The following PTPN9 variants were observed in gnomAD, a reference collection of about 807,000 sequenced individuals.
PTPN9 encodes tyrosine-protein phosphatase non-receptor type 9.
A neutral mutation model predicts 69.8 loss-of-function variants in PTPN9; 26 were observed. That is an observed-to-expected ratio of 0.37 (90% CI 0.27 to 0.52). The LOEUF (loss-of-function observed/expected upper bound fraction) is 0.52. Ranked by LOEUF, PTPN9 falls within the 20% of genes least tolerant of loss-of-function variation. PTPN9 has a pLI of 0.91. For missense variants in PTPN9, 549 were observed against 740.3 expected, an observed-to-expected ratio of 0.74 and a Z score of 3.00; for synonymous variants, 274 against 272.5, an observed-to-expected ratio of 1.01 and a Z score of -0.05.
chr15:75,524,133 A>AC lies in PTPN9; in HGVS notation c.297+75_297+76insG, dbSNP rs202224015. 4.7e-3 allele frequency: 3,392 copies of AC among 722,898 alleles called. 91 individuals carry two copies. In the African/African-American group the frequency reaches 0.056, roughly 12 times the overall value. 44.8% of individuals were successfully genotyped at this position (722,898 alleles called of 1,614,324 possible). ...TAATAAAATTAAAAAAAAAAAAAAAAAAACAAAGTCCAAACAGGACACCAG... is the reference window on the plus strand; with the variant it reads ...TAATAAAATTAAAAAAAAAAAAAAAACAAACAAAGTCCAAACAGGACACCAG... On this transcript the variant is annotated intron_variant, in intron 3 of 12. Transcript: ENST00000618819.
At chr15:75,501,176 C>A (rs1239429947) in intron 7 of PTPN9, among the ~76,000 whole-genome samples, 1 of 152,038 alleles carries the variant, frequency 6.6e-6, no homozygotes, top group Non-Finnish European at 1.5e-5. Flanking sequence ...AGACTCTATC[C>A]CTGCATCTTA....
intron 7 of PTPN9, among the ~76,000 whole-genome samples, chr15:75,495,567 A>G (rs767287297): frequency 6.6e-5 from 10 of 152,040 alleles, no homozygotes; most frequent in Non-Finnish European, 1.3e-4. Context: ...AACAAAAAAC[A>G]TTAGCTGGGC....
At chr15:75,525,791 T>C (rs569564991) in intron 2 of PTPN9, among the ~76,000 whole-genome samples, 76 of 151,360 alleles carry the variant, frequency 5.0e-4, no homozygotes, top group African/African-American at 1.8e-3. Context: ...TGGTGGTGCA[T>C]GCCTGTGGTC....
intron 1 of PTPN9, among the ~76,000 whole-genome samples, chr15:75,540,118 T>G (rs2075001951): frequency 6.6e-6 from 1 of 152,210 alleles, no homozygotes; most frequent in Non-Finnish European, 1.5e-5. Context: ...TTCTCTGCCT[T>G]TTTGAAGGAA....
At chr15:75,512,776 C>G in intron 5 of PTPN9, 1 of 267,316 alleles carries the variant, frequency 3.7e-6, no homozygotes. Flanking sequence ...ACGCTATTCT[C>G]TCATTTCCCC....
At chr15:75,511,494 C>T (rs1410737172) in intron 5 of PTPN9, among the ~76,000 whole-genome samples, 1 of 152,200 alleles carries the variant, frequency 6.6e-6, no homozygotes, top group Non-Finnish European at 1.5e-5. Context: ...AATCTGCCTG[C>T]CTTGGCCTCC....
intron 9 of PTPN9, 47 bp downstream of exon 9, chr15:75,479,801 A>G (rs1567467659): frequency 4.8e-6 from 7 of 1,472,710 alleles, no homozygotes; most frequent in African/African-American, 1.4e-5. Context: ...ACAAGGAATC[A>G]TAAGTAGATG....
At chr15:75,504,355 G>A (rs2074800744) in intron 7 of PTPN9, among the ~76,000 whole-genome samples, 1 of 121,778 alleles carries the variant, frequency 8.2e-6, no homozygotes, top group South Asian at 2.7e-4. Context: ...CCTCTGCCGG[G>A]CCAGCCACCC....
chr15:75,480,703 C>T (rs2074626194), intron 8 of PTPN9: 3 of 1,315,240 alleles, frequency 2.3e-6, no homozygotes, highest in Non-Finnish European at 2.9e-6. Context: ...GCCACCGCCG[C>T]CCCACAGCCG....
chr15:75,504,575 T>G (rs1410343302), intron 7 of PTPN9, among the ~76,000 whole-genome samples: 34 of 96,160 alleles, frequency 3.5e-4, no homozygotes, highest in East Asian at 7.3e-4. Flanking sequence ...GCCTCTGCCC[T>G]GCCGCCCCTA....
At chr15:75,549,729 C>A (rs1595967791) in intron 1 of PTPN9, among the ~76,000 whole-genome samples, 1 of 152,018 alleles carries the variant, frequency 6.6e-6, no homozygotes, top group Non-Finnish European at 1.5e-5. Context: ...ACTGTCTAGA[C>A]CTTGGAAGGC....
At chr15:75,556,177 C>T (rs1406565566) in intron 1 of PTPN9, among the ~76,000 whole-genome samples, 1 of 151,440 alleles carries the variant, frequency 6.6e-6, no homozygotes, top group Non-Finnish European at 1.5e-5. Flanking sequence ...CAATTCTCTG[C>T]CTCAGCCTCC....
chr15:75,521,577 G>A (rs964570681), intron 4 of PTPN9, among the ~76,000 whole-genome samples: 4 of 152,090 alleles, frequency 2.6e-5, no homozygotes, highest in Non-Finnish European at 5.9e-5. Flanking sequence ...CAGATGCAAT[G>A]GCTTATGCTT....
At chr15:75,549,386 A>C (rs2075047230) in intron 1 of PTPN9, among the ~76,000 whole-genome samples, 1 of 151,830 alleles carries the variant, frequency 6.6e-6, no homozygotes. Context: ...TTTTTTGTAG[A>C]GACGAGGTTT....
chr15:75,552,866 G>C (rs2075062055), intron 1 of PTPN9, among the ~76,000 whole-genome samples: 1 of 150,004 alleles, frequency 6.7e-6, no homozygotes, highest in Non-Finnish European at 1.5e-5. Context: ...CAGAAGGAGG[G>C]CCTTTAGCTA....
rs1467509950 is a variant in PTPN9 at position 75,473,729 on chromosome 15, C to T, written c.1168G>A (p.Val390Ile). The T allele has an allele frequency of 1.9e-6, 3 of 1,587,766 alleles. No homozygotes were observed. Among genetic ancestry groups the T allele is most frequent in the East Asian group, 4.5e-5 (2 of 44,738 alleles). ...ENTYRDFWLM[V>I]WEQKVLVIVM... ...ATCACCAAGACTTTTTGCTCCCATACCATGAGCCAGAAATCACGATAGGTA... is the reference window on the plus strand; with the variant it reads ...ATCACCAAGACTTTTTGCTCCCATATCATGAGCCAGAAATCACGATAGGTA... The change falls in exon 10 of 13, where the codon GTA (valine) becomes ATA (isoleucine). Residue 390 changes from valine (V) to isoleucine (I), a missense_variant. Physicochemically the swap from Val to Ile is conservative, Grantham distance 29 (BLOSUM62 3). Transcript: ENST00000618819.
At position 75,509,081 on chromosome 15, in the gene PTPN9, G is replaced by A. The variant is rs1228462481; in HGVS notation, c.529-54C>T. ...TGTAATGGAACCTGTGACTCTTCAA[G>A]CCCAAGTTTAGGTTTTCTGCTCTTC... On this transcript the variant is annotated intron_variant, in intron 5 of 12. Transcript: ENST00000618819. The A allele has an allele frequency of 3.4e-6, 5 of 1,453,780 alleles. No homozygotes were observed. In the African/African-American group the frequency reaches 7.0e-5, roughly 20 times the overall value. 90.1% of individuals were successfully genotyped at this position (1,453,780 alleles called of 1,614,324 possible). A position where few individuals can be genotyped will look rare whatever the true frequency, so the allele number is the denominator to read the frequency against.
chr15:75,495,093 G>A (rs1236649469), intron 7 of PTPN9, among the ~76,000 whole-genome samples: 1 of 152,110 alleles, frequency 6.6e-6, no homozygotes, highest in African/African-American at 2.4e-5. Flanking sequence ...AGCATCACTA[G>A]TAATTGGAAA....
chr15:75,562,737 C>A (rs1348360749), intron 1 of PTPN9, among the ~76,000 whole-genome samples: 1 of 126,544 alleles, frequency 7.9e-6, no homozygotes, highest in Non-Finnish European at 1.5e-5. Flanking sequence ...GAGGCTGAGG[C>A]AGGAGAATGG....
Sources: gnomAD v4.1 joint callset for allele counts (sites outside exome capture counted in the v4.1 genomes callset) on GRCh38, gnomAD v4.1.1 for gene constraint, MANE v1.5 for transcripts, NCBI Gene and HGNC (gene_info 2026-07-23, HGNC 2026-07-21) for gene names.